BNC2: variants seen among roughly 807,000 people sequenced by gnomAD.
The protein encoded by BNC2 is zinc finger protein basonuclin-2.
BNC2 carries 20 observed loss-of-function variants against 76.3 expected under a neutral mutation model. The observed-to-expected ratio is 0.26, with a 90% CI of 0.18 to 0.38. BNC2 has a LOEUF of 0.38. Among genes scored for constraint, BNC2 ranks in the 10% least tolerant of loss-of-function variants. The probability of loss-of-function intolerance (pLI) is 1.00; values close to 1 mark genes in which losing one functional copy is unlikely to be tolerated. For missense variants in BNC2, 1,382 were observed against 1,399.8 expected, an observed-to-expected ratio of 0.99 and a Z score of 0.20; for synonymous variants, 582 against 514.8, an observed-to-expected ratio of 1.13 and a Z score of -1.77.
At chr9:16,568,399 G>C (rs1308873282) in intron 4 of BNC2, among the ~76,000 whole-genome samples, 2 of 152,024 alleles carry the variant, frequency 1.3e-5, no homozygotes, top group Non-Finnish European at 2.9e-5. Flanking sequence ...CATAACCTCT[G>C]AATTTATGAG....
intron 3 of BNC2, among the ~76,000 whole-genome samples, chr9:16,595,044 A>C (rs1362361074): frequency 1.3e-5 from 2 of 152,168 alleles, no homozygotes; most frequent in Non-Finnish European, 2.9e-5. Context: ...TCTGCCAAAA[A>C]GTGGTACACT....
At position 16,691,877 on chromosome 9, in the gene BNC2, C is replaced by G. The variant is rs143259800; in HGVS notation, c.330+35920G>C. The stretch of plus-strand genomic sequence containing the variant: ...CCAGGCTGGAGTGCAGTGGCGCAAT[C>G]TCAGCTCACTGCAACCTCTGCCTCC... On this transcript the variant is annotated intron_variant, in intron 3 of 6. Coordinates refer to ENST00000380672, the MANE Select transcript of BNC2 (RefSeq NM_017637.6). 1.4e-4 allele frequency among the ~76,000 whole-genome samples: 21 copies of G among 146,506 alleles called. No individual in the cohort carries two copies. In the East Asian group the frequency reaches 2.0e-3, roughly 14 times the overall value.
At chr9:16,868,547 A>G (rs1819598455) in intron 1 of BNC2, among the ~76,000 whole-genome samples, 1 of 152,168 alleles carries the variant, frequency 6.6e-6, no homozygotes, top group Non-Finnish European at 1.5e-5. Flanking sequence ...ACACCACCCA[A>G]CTTAATATTC....
At chr9:16,754,009 T>TG (rs1825301735) in intron 1 of BNC2, among the ~76,000 whole-genome samples, 1 of 152,176 alleles carries the variant, frequency 6.6e-6, no homozygotes. Flanking sequence ...CCAGCCCAGA[T>TG]GGGCTCCAGC....
intron 5 of BNC2, among the ~76,000 whole-genome samples, chr9:16,520,264 A>T (rs569105283): frequency 2.0e-5 from 3 of 152,192 alleles, no homozygotes; most frequent in African/African-American, 7.2e-5. Flanking sequence ...CATTCTTGTC[A>T]TAAGGGTCAC....
chr9:16,820,327 G>C (rs1384084801), intron 1 of BNC2, among the ~76,000 whole-genome samples: 1 of 151,914 alleles, frequency 6.6e-6, no homozygotes, highest in African/African-American at 2.4e-5. Flanking sequence ...TCAGGAGGCT[G>C]AGGCAGAAGA....
chr9:16,465,930 C>G (rs1379912881), intron 5 of BNC2, among the ~76,000 whole-genome samples: 1 of 146,304 alleles, frequency 6.8e-6, no homozygotes, highest in Non-Finnish European at 1.5e-5. Flanking sequence ...TCTAGAAAAC[C>G]CCATCGTCTC....
rs558240243 is a variant in BNC2, at chr9:16,576,133, T to A, written c.433+6850A>T. ...ACTCAAATTAGTGCCTGTGCTACTG[T>A]TCACCAAACCCTAAACACCCCTCTG... On this transcript the variant is annotated intron_variant, in intron 4 of 6. Transcript: ENST00000380672. Among the ~76,000 whole-genome samples the A allele has an allele frequency of 2.6e-5, 4 of 152,204 alleles. No homozygotes were observed. The South Asian group carries it at 8.3e-4, about 31-fold the overall frequency.
intron 1 of BNC2, among the ~76,000 whole-genome samples, chr9:16,820,349 C>T (rs1818292374): frequency 1.3e-5 from 2 of 151,718 alleles, no homozygotes; most frequent in Admixed American, 1.3e-4. Context: ...TCTCTTGAAC[C>T]AAGGAGGCAG....
At chr9:16,669,257 G>T (rs1040724251) in intron 3 of BNC2, among the ~76,000 whole-genome samples, 1 of 152,132 alleles carries the variant, frequency 6.6e-6, no homozygotes, top group Admixed American at 6.5e-5. Flanking sequence ...AATTGTTCCT[G>T]AAGAGCCCAC....
intron 3 of BNC2, among the ~76,000 whole-genome samples, chr9:16,595,320 C>G (rs1820036336): frequency 6.6e-6 from 1 of 152,102 alleles, no homozygotes; most frequent in East Asian, 1.9e-4. Flanking sequence ...AAGCAGGTAT[C>G]AGCAAAGGAA....
At chr9:16,575,253 A>G (rs753380287) in intron 4 of BNC2, 152 of 985,136 alleles carry the variant, frequency 1.5e-4, no homozygotes, top group Non-Finnish European at 1.8e-4. Flanking sequence ...TATTTTGTAT[A>G]TTGCCTCCCA....
intron 1 of BNC2, among the ~76,000 whole-genome samples, chr9:16,866,123 C>T (rs980964951): frequency 3.3e-5 from 5 of 151,936 alleles, no homozygotes; most frequent in African/African-American, 1.2e-4. Context: ...TATTAAAGTG[C>T]AATTATGATC....
chr9:16,462,327 C>A (rs371610584), intron 5 of BNC2, among the ~76,000 whole-genome samples: 2 of 152,280 alleles, frequency 1.3e-5, no homozygotes, highest in Admixed American at 1.3e-4. Flanking sequence ...AAGAACAGCT[C>A]AGGAGCCATC....
intron 3 of BNC2, among the ~76,000 whole-genome samples, chr9:16,644,598 T>C (rs1034386300): frequency 1.4e-4 from 22 of 152,196 alleles, no homozygotes; most frequent in African/African-American, 5.1e-4. Context: ...ATTGTGTTTA[T>C]AGAAAATCAC....
At chr9:16,722,988 T>C (rs1010681531) in intron 3 of BNC2, among the ~76,000 whole-genome samples, 1 of 152,192 alleles carries the variant, frequency 6.6e-6, no homozygotes, top group Non-Finnish European at 1.5e-5. Flanking sequence ...ATACTGAGAA[T>C]TATATTTGAA....
intron 1 of BNC2, among the ~76,000 whole-genome samples, chr9:16,810,285 C>T (rs1405725874): frequency 6.6e-6 from 1 of 152,190 alleles, no homozygotes; most frequent in African/African-American, 2.4e-5. Context: ...CGTTCATTTA[C>T]CTTGGCAGGG....
intron 2 of BNC2, among the ~76,000 whole-genome samples, chr9:16,737,037 C>T (rs943393309): frequency 6.6e-6 from 1 of 151,276 alleles, no homozygotes; most frequent in African/African-American, 2.4e-5. Flanking sequence ...AACTCCCAAC[C>T]TCAGGAGATC....
chr9:16,788,087 A>G (rs1216740626), intron 1 of BNC2, among the ~76,000 whole-genome samples: 1 of 152,194 alleles, frequency 6.6e-6, no homozygotes, highest in Non-Finnish European at 1.5e-5. Context: ...AAGGATGTCC[A>G]GGATCTTTAC....
Sources: allele counts gnomAD v4.1 joint callset (sites outside exome capture counted in the v4.1 genomes callset), GRCh38; gene constraint gnomAD v4.1.1; transcripts MANE v1.5; gene names NCBI Gene and HGNC (gene_info 2026-07-23, HGNC 2026-07-21).